The following ABCC6 variants were observed in gnomAD, a reference collection of about 807,000 sequenced individuals.
ABCC6 encodes the protein ATP binding cassette subfamily C member 6.
In ABCC6, 126 loss-of-function variants were observed where a neutral mutation model predicts 169.5. The observed-to-expected ratio is 0.74, with a 90% CI of 0.64 to 0.86. The LOEUF is 0.86. Ranked by LOEUF, ABCC6 falls within the 40% of genes least tolerant of loss-of-function variation. The pLI, the probability that ABCC6 is intolerant of heterozygous loss-of-function variation, is 0.00. For missense variants in ABCC6, 1,733 were observed against 1,927.2 expected (o/e 0.90, Z 1.89); for synonymous variants, 752 against 814.7 (o/e 0.92, Z 1.31).
At chr16:16,197,944 T>C (rs1283397744) in intron 10 of ABCC6, 77 bp downstream of exon 10, 18 of 1,318,552 alleles carry the variant, frequency 1.4e-5, no homozygotes, top group Non-Finnish European at 1.6e-5. Flanking sequence ...GGAGGAAGGG[T>C]GGGAGGGGGA....
At chr16:16,206,525 C>A (rs1264592842) in intron 7 of ABCC6, among the ~76,000 whole-genome samples, 1 of 151,744 alleles carries the variant, frequency 6.6e-6, no homozygotes, top group Non-Finnish European at 1.5e-5. Context: ...TGTTGTGTGG[C>A]CTCTCAGGAG....
chr16:16,164,874 G>A (rs368221729), intron 23 of ABCC6, among the ~76,000 whole-genome samples: 1 of 152,196 alleles, frequency 6.6e-6, no homozygotes, highest in African/African-American at 2.4e-5. Flanking sequence ...GTGAAGATAT[G>A]GAGAGAGTCA....
At chr16:16,200,625 G>A (rs2048206363) in intron 9 of ABCC6, among the ~76,000 whole-genome samples, 1 of 136,322 alleles carries the variant, frequency 7.3e-6, no homozygotes, top group Non-Finnish European at 1.7e-5. Context: ...GGCATGCTCA[G>A]GGGAACAGGA....
Position 16,153,985 on chromosome 16 carries a change from C to G in ABCC6, c.4208+643G>C, listed in dbSNP as rs1046039427. Among the ~76,000 whole-genome samples the G allele has an allele frequency of 4.0e-5, 6 of 151,714 alleles. 1 individual carries two copies. In the South Asian group the frequency reaches 1.3e-3, roughly 32 times the overall value. ...TCCACACAGCTTTTTGTTGTTGAGA[C>G]GAAGCCCAGGATGGAGTGCAGTGGT... On this transcript the variant is annotated intron_variant, in intron 29 of 30. Coordinates refer to ENST00000205557, the MANE Select transcript of ABCC6 (RefSeq NM_001171.6).
chr16:16,208,924 C>T (rs1417420437), intron 6 of ABCC6, 65 bp from the exon 7 acceptor site: 21 of 1,612,698 alleles, frequency 1.3e-5, no homozygotes, highest in Non-Finnish European at 1.5e-5. Context: ...CCTGGCCAGG[C>T]GAGTAGCTGT....
intron 10 of ABCC6, among the ~76,000 whole-genome samples, chr16:16,194,558 G>C (rs1259561877): frequency 6.6e-6 from 1 of 152,144 alleles, no homozygotes; most frequent in Non-Finnish European, 1.5e-5. Flanking sequence ...TGATTTTTAA[G>C]TTGCTGTGAC....
intron 5 of ABCC6, 24 bp downstream of exon 5, chr16:16,214,300 T>C: frequency 6.5e-6 from 10 of 1,550,210 alleles, no homozygotes; most frequent in Non-Finnish European, 8.7e-6. Flanking sequence ...GGAACAGGAA[T>C]GAGGTTGGAA....
rs149510465 is a variant in ABCC6, at chr16:16,150,763, C to G, written c.4218G>C (p.Gln1406His). The G allele has an allele frequency of 3.0e-5, 49 of 1,613,456 alleles. No individual in the cohort carries two copies. The highest frequency in any genetic ancestry group is 3.7e-5 in the Non-Finnish European group (44 of 1,179,900). ...ADRGEDLSVG[Q>H]KQLLCLARAL... The stretch of plus-strand genomic sequence containing the variant: ...CACGTGCCAGACACAGGAGCTGTTT[C>G]TGGCCCACGCTGGGAACGATTGGGA... Residue 1406 changes from glutamine (Q) to histidine (H), a missense_variant, in exon 30 of 31, where the codon CAG becomes CAC. This residue lies in a region of ABCC6 where 1,601 missense variants were observed against 1,635.5 expected (regional missense o/e 0.98). Coordinates refer to ENST00000205557, the MANE Select transcript of ABCC6 (RefSeq NM_001171.6).
At chr16:16,165,591 C>T (rs755246492) in intron 23 of ABCC6, 32 bp downstream of exon 23, 42 of 1,611,784 alleles carry the variant, frequency 2.6e-5, no homozygotes, top group African/African-American at 8.0e-5. Flanking sequence ...TGACCTCAGC[C>T]GGTCCCGGAA....
At chr16:16,160,631 A>G (rs2046686295) in intron 25 of ABCC6, among the ~76,000 whole-genome samples, 1 of 72,016 alleles carries the variant, frequency 1.4e-5, no homozygotes, top group Admixed American at 1.5e-4. Flanking sequence ...TTTCTACCAA[A>G]AAAAAAAAAA....
In ABCC6 at chr16:16,161,472, C is replaced by T; in HGVS notation, c.3599G>A (p.Gly1200Asp). Residue 1200 changes from glycine to aspartate, a missense_variant, in exon 25 of 31, where the codon GGC becomes GAC. By Grantham distance (94) the Gly-to-Asp change is moderately conservative (BLOSUM62 -1). Around this residue, in one of 5 missense-constraint regions of ABCC6, gnomAD observed 1,601 missense variants for 1,635.5 expected, o/e 0.98. Coordinates refer to ENST00000205557, the MANE Select transcript of ABCC6 (RefSeq NM_001171.6). ...AVLSKAHLSA[G>D]LVGFSVSAAL... ...AGCAGAGACAGAGAAGCCCACGAGGCCAGCACTGAGGTGGGCTTTGCTCAG... is the reference window on the plus strand; with the variant it reads ...AGCAGAGACAGAGAAGCCCACGAGGTCAGCACTGAGGTGGGCTTTGCTCAG... 6.2e-7 allele frequency: 1 copy of T among 1,613,960 alleles called. No individual in the cohort carries two copies. Among genetic ancestry groups the T allele is most frequent in the Non-Finnish European group, 8.5e-7 (1 of 1,180,030 alleles).
chr16:16,154,824 G>A lies in ABCC6; in HGVS notation c.4042-30C>T, dbSNP rs2066738. On this transcript the variant is annotated intron_variant, in intron 28 of 30. Coordinates refer to ENST00000205557, the MANE Select transcript of ABCC6 (RefSeq NM_001171.6). ...CGGGGAGGGGCGGTGGGTCAGAGCC[G>A]GGTCCCACCATGCCTCCCATCTTTG... The A allele has an allele frequency of 0.18, 296,720 of 1,607,040 alleles. 29,556 individuals carry two copies. The highest frequency in any genetic ancestry group is 0.3 in the South Asian group (27,384 of 89,996).
intron 12 of ABCC6, 36 bp from the exon 13 acceptor site, chr16:16,189,010 G>C (rs1400457563): frequency 6.2e-7 from 1 of 1,611,664 alleles, no homozygotes; most frequent in Non-Finnish European, 8.5e-7. Context: ...GCAACAGTGA[G>C]ACACGCAAGC....
Position 16,159,569 on chromosome 16 carries a change from C to T in ABCC6, c.3648G>A (p.Leu1216=), listed in dbSNP as rs2046648739. The part of the protein sequence containing the change: ...VSAALQVTQT[L]QWVVRNWTDL... The stretch of plus-strand genomic sequence containing the variant: ...CTGTCCAGTTGCGAACAACCCACTG[C>T]AGTGTCTGGGTCACCTGGTGCAAGA... The change falls in exon 26 of 31, where the codon CTG becomes CTA. Residue 1216 remains leucine, a synonymous_variant. Coordinates refer to ENST00000205557, the MANE Select transcript of ABCC6 (RefSeq NM_001171.6). 1.2e-6 allele frequency: 2 copies of T among 1,614,044 alleles called. No homozygotes were observed. Among genetic ancestry groups the T allele is most frequent in the African/African-American group, 1.3e-5 (1 of 74,938 alleles).
chr16:16,184,869 TA>T, intron 15 of ABCC6, 89 bp downstream of exon 15: 1 of 1,416,468 alleles, frequency 7.1e-7, no homozygotes, highest in Non-Finnish European at 1.0e-6. Flanking sequence ...GCTGGAAACC[TA>T]CACCACCTCT....
intron 25 of ABCC6, among the ~76,000 whole-genome samples, chr16:16,160,003 GC>G (rs1333449370): frequency 5.3e-5 from 8 of 152,196 alleles, no homozygotes; most frequent in Non-Finnish European, 1.2e-4. Context: ...CTCCCTATGA[GC>G]CATTAGCAGC....
intron 10 of ABCC6, among the ~76,000 whole-genome samples, chr16:16,195,344 A>C (rs1286490680): frequency 8.4e-6 from 1 of 118,960 alleles, no homozygotes; most frequent in Admixed American, 1.2e-4. Context: ...AAGGAGTCTC[A>C]CTCTGTCGTC....
At position 16,155,324 on chromosome 16, in the gene ABCC6, C is replaced by T. The variant is rs932130508; in HGVS notation, c.3883-293G>A. 7.6e-6 allele frequency: 4 copies of T among 528,940 alleles called. No homozygotes were observed. In the African/African-American group the frequency reaches 7.6e-5, roughly 10 times the overall value. The allele number at this position is 528,940 out of a possible 1,614,324, so 32.8% of individuals were successfully genotyped here. A position where few individuals can be genotyped will look rare whatever the true frequency, so the allele number is the denominator to read the frequency against. The stretch of plus-strand genomic sequence containing the variant: ...TCCTCATCCTTCTATTTACACCTCT[C>T]CATCATCTCTCATCCTTTTTTCTAC... On this transcript the variant is annotated intron_variant, in intron 27 of 30. Coordinates refer to ENST00000205557, the MANE Select transcript of ABCC6 (RefSeq NM_001171.6).
rs968318357 is a variant in ABCC6 at position 16,160,890 on chromosome 16, GTA to G, written c.3633+546_3633+547del. On this transcript the variant is annotated intron_variant, in intron 25 of 30. Transcript: ENST00000205557. Reference sequence around the variant, plus strand: ...TCCTCCATAACAAATGCTTATGAGTGTATATATATATTTTTTTCATAGATGTC... The same window carrying G: ...TCCTCCATAACAAATGCTTATGAGTGTATATATATTTTTTTCATAGATGTC... Among the ~76,000 whole-genome samples, 3 of 151,948 alleles carry G rather than the reference GTA, an allele frequency of 2.0e-5. 1 individual carries two copies. The highest frequency in any genetic ancestry group is 4.4e-5 in the Non-Finnish European group (3 of 68,028).
Sources: gnomAD v4.1 joint callset for allele counts (sites outside exome capture counted in the v4.1 genomes callset) on GRCh38, gnomAD v4.1.1 for gene constraint, gnomAD v4.1.1 regional missense constraint, MANE v1.5 for transcripts, NCBI Gene and HGNC (gene_info 2026-07-23, HGNC 2026-07-21) for gene names.